FSTL4: variants seen among roughly 807,000 people sequenced by gnomAD.
The protein encoded by FSTL4 is follistatin-related protein 4.
FSTL4 carries 28 observed loss-of-function variants against 78.2 expected under a neutral mutation model. The observed-to-expected ratio is 0.36, with a 90% confidence interval of 0.27 to 0.49. The LOEUF (loss-of-function observed/expected upper bound fraction) is 0.49, where lower values mean the gene tolerates loss of function less well. Ranked by LOEUF, FSTL4 falls within the 20% of genes least tolerant of loss-of-function variation. The pLI, the probability that FSTL4 is intolerant of heterozygous loss-of-function variation, is 0.98. For synonymous variants in FSTL4, 422 were observed against 440.5 expected, an observed-to-expected ratio of 0.96 and a Z score of 0.53; for missense variants, 922 against 1,084.9, an observed-to-expected ratio of 0.85 and a Z score of 2.11.
At position 133,316,397 on chromosome 5, in the gene FSTL4, G is replaced by A. The variant is rs966800718; in HGVS notation, c.603+62C>T. The A allele has an allele frequency of 1.7e-5, 22 of 1,315,466 alleles. No individual in the cohort carries two copies. In the African/African-American group the frequency reaches 2.0e-4, roughly 12 times the overall value. 81.5% of individuals were successfully genotyped at this position (1,315,466 alleles called of 1,614,324 possible). On this transcript the variant is annotated intron_variant, in intron 5 of 15. Transcript: ENST00000265342. ...ACATGCTCTTAGACACCAGGGGGCC[G>A]GGGTGGGAAATGGAAAACTGGATTC...
the FSTL4 span, among the ~76,000 whole-genome samples, chr5:133,748,696 G>A: frequency 7.2e-5 from 11 of 152,280 alleles, no homozygotes; most frequent in Non-Finnish European, 1.2e-4. Flanking sequence ...TTTTGCTCTC[G>A]GCTGGAGGCA....
chr5:133,255,181 C>A (rs1300100552), intron 6 of FSTL4, among the ~76,000 whole-genome samples: 1 of 152,180 alleles, frequency 6.6e-6, no homozygotes, highest in Non-Finnish European at 1.5e-5. Context: ...GAGGGCTCAG[C>A]CAGACGCTGT....
the FSTL4 span, among the ~76,000 whole-genome samples, chr5:133,739,373 G>A: frequency 5.3e-5 from 8 of 151,680 alleles, no homozygotes; most frequent in South Asian, 2.1e-4. Flanking sequence ...GAGGCACCAC[G>A]TAGGGAGTCG....
At chr5:133,822,972 G>A in the FSTL4 span, among the ~76,000 whole-genome samples, 1 of 152,174 alleles carries the variant, frequency 6.6e-6, no homozygotes, top group Non-Finnish European at 1.5e-5. Flanking sequence ...CTGCCCTGGA[G>A]TAGCTTTCAT....
chr5:133,518,448 C>G, intron 3 of FSTL4, among the ~76,000 whole-genome samples: 1 of 152,106 alleles, frequency 6.6e-6, no homozygotes, highest in Non-Finnish European at 1.5e-5. Context: ...TTTATACTAT[C>G]AAATTAGTAA....
rs1280841490 is a variant in FSTL4, at chr5:133,262,098, C to A, written c.728-12522G>T. On this transcript the variant is annotated intron_variant, in intron 6 of 15. Coordinates refer to ENST00000265342, the MANE Select transcript of FSTL4 (RefSeq NM_015082.2). ...CAGGCAAAGGTTAAGTCTCGCACCC[C>A]CTATGCTTGAATAAACTGCGCTCTA... Among the ~76,000 whole-genome samples the A allele has an allele frequency of 7.9e-5, 12 of 152,246 alleles. 1 individual carries two copies. The highest frequency in any genetic ancestry group is 2.6e-4 in the African/African-American group (11 of 41,526).
chr5:133,701,509 A>ACACACCCACCCCC, the FSTL4 span, among the ~76,000 whole-genome samples: 1 of 132,624 alleles, frequency 7.5e-6, no homozygotes, highest in Non-Finnish European at 1.6e-5. Context: ...ACACACACAC[A>ACACACCCACCCCC]CCCCACAGGC....
chr5:133,290,400 G>A (rs17626291), intron 6 of FSTL4, among the ~76,000 whole-genome samples: 1,994 of 152,316 alleles, frequency 0.013, 22 homozygotes, highest in Admixed American at 0.017. Context: ...GAGGGCCATC[G>A]GGGAGTCCTT....
the FSTL4 span, among the ~76,000 whole-genome samples, chr5:133,685,931 C>T: frequency 3.3e-5 from 5 of 152,320 alleles, no homozygotes; most frequent in Middle Eastern, 0.017. Flanking sequence ...CACACAATCT[C>T]TTCTAGAGGG....
At chr5:133,601,732 G>A (rs1288319434) in intron 2 of FSTL4, among the ~76,000 whole-genome samples, 1 of 146,776 alleles carries the variant, frequency 6.8e-6, no homozygotes, top group Admixed American at 6.9e-5. Context: ...ACCCAGGCTA[G>A]AGAGCAGTGG....
In FSTL4 at chr5:133,217,362, T is replaced by C. The variant is rs573682168; in HGVS notation, c.1475A>G (p.Gln492Arg). The change falls in exon 13 of 16, where the codon CAA becomes CGA. Residue 492 changes from glutamine to arginine, a missense_variant. Transcript: ENST00000265342. ...IFMSYEEICP[Q>R]REKNATQPCQ... ...GGGCTGGGTTGCATTTTTTTCTCTT[T>C]GAGGACAGATTTCTTCCTGCAAAGG... The C allele has an allele frequency of 2.5e-5, 40 of 1,614,172 alleles. No homozygotes were observed. In the South Asian group the frequency reaches 4.2e-4, roughly 17 times the overall value.
the FSTL4 span, among the ~76,000 whole-genome samples, chr5:133,731,064 T>C: frequency 6.6e-6 from 1 of 152,136 alleles, no homozygotes; most frequent in African/African-American, 2.4e-5. Context: ...GGCAGAGAAC[T>C]GGCCCATTTT....
intron 3 of FSTL4, among the ~76,000 whole-genome samples, chr5:133,510,533 C>T (rs1758708081): frequency 6.6e-6 from 1 of 152,042 alleles, no homozygotes; most frequent in Admixed American, 6.6e-5. Flanking sequence ...AACAATGTTC[C>T]CAGCCTTCCC....
At chr5:133,491,949 C>T (rs1401644845) in intron 3 of FSTL4, among the ~76,000 whole-genome samples, 1 of 152,164 alleles carries the variant, frequency 6.6e-6, no homozygotes, top group East Asian at 1.9e-4. Flanking sequence ...ATTATTACCA[C>T]TTATGATGCC....
At chr5:133,467,272 G>A (rs1287004994) in intron 3 of FSTL4, among the ~76,000 whole-genome samples, 1 of 151,758 alleles carries the variant, frequency 6.6e-6, no homozygotes, top group Non-Finnish European at 1.5e-5. Flanking sequence ...GTGTGTGTGT[G>A]TGTGTGTGTG....
chr5:133,656,151 C>A, the FSTL4 span, among the ~76,000 whole-genome samples: 1 of 152,070 alleles, frequency 6.6e-6, no homozygotes, highest in Non-Finnish European at 1.5e-5. Flanking sequence ...AGGTACATCT[C>A]AGGAGGCCCT....
rs531533743 is a variant in FSTL4, at chr5:133,422,649, T to A, written c.161-21663A>T. Among the ~76,000 whole-genome samples the A allele has an allele frequency of 4.6e-5, 7 of 152,062 alleles. No homozygotes were observed. The South Asian group carries it at 1.5e-3, about 32-fold the overall frequency. On this transcript the variant is annotated intron_variant, in intron 3 of 15. Transcript: ENST00000265342. ...GTGGGGAAAATCAAGGAGGGAGGTG[T>A]CCCTGGAGATGTAGAAATGGAAGAT...
chr5:133,627,643 A>C, the FSTL4 span, among the ~76,000 whole-genome samples: 1 of 152,170 alleles, frequency 6.6e-6, no homozygotes, highest in Non-Finnish European at 1.5e-5. Flanking sequence ...ATTTGAAGTG[A>C]ATTTCTTACA....
At chr5:133,423,997 C>T (rs1756754100) in intron 3 of FSTL4, among the ~76,000 whole-genome samples, 1 of 152,156 alleles carries the variant, frequency 6.6e-6, no homozygotes, top group East Asian at 1.9e-4. Flanking sequence ...CACCAGGTGT[C>T]GCTGTGTGCA....
Sources: gnomAD v4.1 joint callset for allele counts (sites outside exome capture counted in the v4.1 genomes callset) on GRCh38, gnomAD v4.1.1 for gene constraint, MANE v1.5 for transcripts, NCBI Gene and HGNC (gene_info 2026-07-23, HGNC 2026-07-21) for gene names.